HSPA4: variants seen among roughly 807,000 people sequenced by gnomAD.
The protein encoded by HSPA4 is heat shock 70 kDa protein 4.
A neutral mutation model predicts 106.2 loss-of-function variants in HSPA4; 25 were observed. The ratio of observed to expected loss-of-function variants is 0.24; its 90% CI spans 0.17 to 0.33. The LOEUF is 0.33. HSPA4 is among the 10% of genes least tolerant of loss of function. The probability of loss-of-function intolerance (pLI) is 1.00; values close to 1 mark genes in which losing one functional copy is unlikely to be tolerated. For missense variants in HSPA4, 841 were observed against 996.0 expected (o/e 0.84, Z 2.10); for synonymous variants, 332 against 333.6 (o/e 1.00, Z 0.05).
intron 7 of HSPA4, among the ~76,000 whole-genome samples, chr5:133,081,537 C>G (rs1765515298): frequency 6.6e-6 from 1 of 151,946 alleles, no homozygotes; most frequent in South Asian, 2.1e-4. Flanking sequence ...TATTTGAGGA[C>G]CTTTTATACT....
chr5:133,092,746 A>C lies in HSPA4; in HGVS notation c.1607A>C (p.Gln536Pro). 1 of 1,611,706 alleles carries C rather than the reference A, an allele frequency of 6.2e-7. No individual in the cohort carries two copies. The highest frequency in any genetic ancestry group is 8.5e-7 in the Non-Finnish European group (1 of 1,178,854). Residue 536 changes from glutamine to proline, a missense_variant, in exon 13 of 19, where the codon CAG becomes CCG. Physicochemically the swap from Gln to Pro is moderately conservative, Grantham distance 76 (BLOSUM62 -1). This residue lies in a region of HSPA4 where 328 missense variants were observed against 372.2 expected (regional missense o/e 0.88). Transcript: ENST00000304858. The stretch of plus-strand genomic sequence containing the variant: ...GAACCACATGTTGAAGAGCAACAGC[A>C]GCAGACACCAGCAGAAAATAAGGCA... ...QEEPHVEEQQ[Q>P]QTPAENKAES...
intron 16 of HSPA4, 113 bp from the exon 17 acceptor site, chr5:133,101,646 A>T: frequency 1.0e-6 from 1 of 966,500 alleles, no homozygotes; most frequent in Non-Finnish European, 1.6e-6. Context: ...AAATATATTT[A>T]ACTTCTTATA....
At chr5:133,073,922 C>CTTTT (rs907868320) in intron 5 of HSPA4, 71 bp from the exon 6 acceptor site, 2 of 1,157,688 alleles carry the variant, frequency 1.7e-6, no homozygotes, top group Admixed American at 3.2e-5. Context: ...TATAAAACCT[C>CTTTT]TTTTTTCCTG....
chr5:133,091,220 C>A lies in HSPA4; in HGVS notation c.1406C>A (p.Pro469His). ...IAQFSVQKVT[P>H]QSDGSSSKVK... ...CAGTTTTCAGTTCAGAAAGTCACTC[C>A]TCAGTCTGATGGCTCCAGTTCAAAA... Residue 469 changes from proline to histidine, a missense_variant, in exon 12 of 19, where the codon CCT becomes CAT. This residue lies in a region of HSPA4 where 162 missense variants were observed against 177.7 expected (regional missense o/e 0.91). Coordinates refer to ENST00000304858, the MANE Select transcript of HSPA4 (RefSeq NM_002154.4). The A allele has an allele frequency of 6.2e-7, 1 of 1,614,026 alleles. No homozygotes were observed. Among genetic ancestry groups the A allele is most frequent in the Non-Finnish European group, 8.5e-7 (1 of 1,179,934 alleles).
Position 133,071,737 on chromosome 5 carries a change from G to A in HSPA4, c.429+1241G>A, listed in dbSNP as rs549378098. Among the ~76,000 whole-genome samples the A allele has an allele frequency of 7.9e-4, 120 of 152,344 alleles. 1 individual carries two copies. Among genetic ancestry groups the A allele is most frequent in the South Asian group, 3.7e-3 (18 of 4,830 alleles). On this transcript the variant is annotated intron_variant, in intron 4 of 18. Transcript: ENST00000304858. ...TCACCCCAGAGTCTGTTGCCTGGCG[G>A]ATTTCTTGGTCCTTGGTTATTGTAA...
chr5:133,104,119 T>G, intron 18 of HSPA4, 93 bp downstream of exon 18: 1 of 1,405,450 alleles, frequency 7.1e-7, no homozygotes, highest in Non-Finnish European at 9.9e-7. Context: ...TATTATAGTG[T>G]TTTAGCTTCT....
At chr5:133,093,772 T>TG (rs1466362600) in intron 13 of HSPA4, among the ~76,000 whole-genome samples, 1 of 152,054 alleles carries the variant, frequency 6.6e-6, no homozygotes, top group East Asian at 1.9e-4. Context: ...CATGAGCCAC[T>TG]GCGCCCAGCC....
chr5:133,103,180 G>A (rs184973920), intron 17 of HSPA4, among the ~76,000 whole-genome samples: 2 of 150,744 alleles, frequency 1.3e-5, no homozygotes, highest in Non-Finnish European at 3.0e-5. Flanking sequence ...TCCTGTCTCA[G>A]CCTCCTGAGT....
At position 133,067,892 on chromosome 5, in the gene HSPA4, GTT is replaced by G. The variant is rs1231361695; in HGVS notation, c.306+352_306+353del. Among the ~76,000 whole-genome samples the G allele has an allele frequency of 8.2e-5, 11 of 134,710 alleles. 1 individual carries two copies. The highest frequency in any genetic ancestry group is 6.0e-4 in the Admixed American group (8 of 13,236). The allele number at this position is 134,710 out of a possible 152,430, so 88.4% of individuals were successfully genotyped here. Reference sequence around the variant, plus strand: ...TGGAAGAGCAGGCAAAGCAATCACAGTTTTTTTTTTTTTTTTTTGAGATGGAC... The same window carrying G: ...TGGAAGAGCAGGCAAAGCAATCACAGTTTTTTTTTTTTTTTTGAGATGGAC... On this transcript the variant is annotated intron_variant, in intron 3 of 18. Coordinates refer to ENST00000304858, the MANE Select transcript of HSPA4 (RefSeq NM_002154.4).
At chr5:133,098,285 C>A (rs1330479842) in intron 15 of HSPA4, among the ~76,000 whole-genome samples, 2 of 151,968 alleles carry the variant, frequency 1.3e-5, no homozygotes, top group Non-Finnish European at 2.9e-5. Flanking sequence ...TGTGTATATA[C>A]CACGTTTTCT....
chr5:133,098,136 C>T (rs917267673), intron 15 of HSPA4, among the ~76,000 whole-genome samples: 5 of 152,060 alleles, frequency 3.3e-5, no homozygotes, highest in African/African-American at 9.7e-5. Context: ...AGCTTAGCTC[C>T]TACTTATAAG....
At chr5:133,100,374 A>G (rs992852342) in intron 16 of HSPA4, among the ~76,000 whole-genome samples, 1 of 148,240 alleles carries the variant, frequency 6.7e-6, no homozygotes, top group Non-Finnish European at 1.5e-5. Flanking sequence ...TAGCCAAAGC[A>G]TCTGGTTTTG....
chr5:133,083,265 T>A (rs1765537139), intron 7 of HSPA4, among the ~76,000 whole-genome samples: 1 of 151,902 alleles, frequency 6.6e-6, no homozygotes, highest in Non-Finnish European at 1.5e-5. Flanking sequence ...TGAGCTGAGA[T>A]CGTGCCACTG....
At chr5:133,099,127 GTATCT>G (rs1445019459) in intron 15 of HSPA4, among the ~76,000 whole-genome samples, 4 of 151,656 alleles carry the variant, frequency 2.6e-5, no homozygotes, top group Non-Finnish European at 5.9e-5. Context: ...TACTCCCCCT[GTATCT>G]TATCTTATTT....
chr5:133,080,051 G>A (rs1765494567), intron 7 of HSPA4, among the ~76,000 whole-genome samples: 1 of 152,048 alleles, frequency 6.6e-6, no homozygotes, highest in South Asian at 2.1e-4. Context: ...AAGTGTGACA[G>A]CATAGTTTTT....
In HSPA4 at chr5:133,083,257, A is replaced by C. The variant is rs374603643; in HGVS notation, c.909-3525A>C. Among the ~76,000 whole-genome samples the C allele has an allele frequency of 2.3e-4, 35 of 152,098 alleles. 1 individual carries two copies. In the East Asian group the frequency reaches 6.4e-3, roughly 28 times the overall value. On this transcript the variant is annotated intron_variant, in intron 7 of 18. Coordinates refer to ENST00000304858, the MANE Select transcript of HSPA4 (RefSeq NM_002154.4). The stretch of plus-strand genomic sequence containing the variant: ...AACCTGGGAGGCGGAGGTAGCAGTG[A>C]GCTGAGATCGTGCCACTGCACTCCA...
At chr5:133,090,841 AT>A (rs979055355) in intron 11 of HSPA4, among the ~76,000 whole-genome samples, 3 of 150,094 alleles carry the variant, frequency 2.0e-5, no homozygotes, top group African/African-American at 4.9e-5. Flanking sequence ...GAGTGGAATC[AT>A]TTTTTTTTTC....
At position 133,070,560 on chromosome 5, in the gene HSPA4, A is replaced by G. The variant is rs1309967159; in HGVS notation, c.429+64A>G. On this transcript the variant is annotated intron_variant, in intron 4 of 18. Transcript: ENST00000304858. ...AAGAAGCAGAGAGAAGAAAGCTGCT[A>G]ATTTCAAGTAAACTTGTTTTTTTGT... is the stretch of plus-strand genomic sequence containing the variant. The G allele has an allele frequency of 2.6e-6, 4 of 1,566,332 alleles. No homozygotes were observed. In the African/African-American group the frequency reaches 4.1e-5, roughly 16 times the overall value.
At chr5:133,088,593 T>G (rs753513986) in intron 9 of HSPA4, 38 bp downstream of exon 9, 4 of 1,560,596 alleles carry the variant, frequency 2.6e-6, no homozygotes, top group African/African-American at 1.4e-5. Context: ...CATTTATAAA[T>G]CATTGTAACA....
Sources: allele counts gnomAD v4.1 joint callset (sites outside exome capture counted in the v4.1 genomes callset), GRCh38; gene constraint gnomAD v4.1.1; regional missense constraint gnomAD v4.1.1; transcripts MANE v1.5; gene names NCBI Gene and HGNC (gene_info 2026-07-23, HGNC 2026-07-21).